MTF2: variants seen among roughly 807,000 people sequenced by gnomAD.
MTF2 encodes metal response element binding transcription factor 2, also known as metal-response element-binding transcription factor 2.
In MTF2, 11 loss-of-function variants were observed where a neutral mutation model predicts 79.5. That is an observed-to-expected ratio of 0.14 (90% CI 0.09 to 0.23). The LOEUF (loss-of-function observed/expected upper bound fraction) is 0.23, where lower values mean the gene tolerates loss of function less well. MTF2 is among the 10% of genes least tolerant of loss of function. MTF2 has a pLI of 1.00. For missense variants in MTF2, 486 were observed against 711.2 expected (o/e 0.68, Z 3.60); for synonymous variants, 208 against 232.8 (o/e 0.89, Z 0.97).
chr1:93,087,112 G>T (rs940677536), intron 1 of MTF2, among the ~76,000 whole-genome samples: 1 of 152,184 alleles, frequency 6.6e-6, no homozygotes, highest in Non-Finnish European at 1.5e-5. Context: ...TTCATGTGTG[G>T]TTGATGCTTA....
At chr1:93,127,860 CCTT>C (rs1289853192) in intron 10 of MTF2, among the ~76,000 whole-genome samples, 2 of 151,740 alleles carry the variant, frequency 1.3e-5, no homozygotes, top group Non-Finnish European at 2.9e-5. Context: ...ACAAGGATTC[CCTT>C]CTTTTTAAAA....
At chr1:93,123,210 CTTTTTTTTTT>C (rs749700655) in intron 9 of MTF2, among the ~76,000 whole-genome samples, 4 of 94,238 alleles carry the variant, frequency 4.2e-5, no homozygotes, top group South Asian at 3.4e-4. Flanking sequence ...TCAGCTCTTT[CTTTTTTTTTT>C]TTTTTTTTTT....
At chr1:93,115,410 A>G (rs1656212008) in intron 5 of MTF2, 60 bp from the exon 6 acceptor site, 2 of 1,263,116 alleles carry the variant, frequency 1.6e-6, no homozygotes, top group East Asian at 2.5e-5. Context: ...TTTTTAAAGT[A>G]TAGAATTGTG....
intron 1 of MTF2, among the ~76,000 whole-genome samples, chr1:93,100,610 T>C (rs552168719): frequency 1.2e-4 from 19 of 152,242 alleles, no homozygotes; most frequent in African/African-American, 4.3e-4. Flanking sequence ...CCCAGCTGTT[T>C]GTATTGTTTC....
At chr1:93,113,940 CAA>C (rs1656144494) in intron 3 of MTF2, among the ~76,000 whole-genome samples, 1 of 150,872 alleles carries the variant, frequency 6.6e-6, no homozygotes, top group Admixed American at 6.6e-5. Context: ...CTGAAACAGA[CAA>C]GATGAGAATA....
chr1:93,130,559 A>G (rs1656877101), intron 11 of MTF2, among the ~76,000 whole-genome samples: 2 of 151,836 alleles, frequency 1.3e-5, no homozygotes, highest in African/African-American at 4.9e-5. Flanking sequence ...CCTGGGCAAC[A>G]GAGCGAGACT....
chr1:93,094,701 T>A (rs1655210349), intron 1 of MTF2, among the ~76,000 whole-genome samples: 1 of 152,162 alleles, frequency 6.6e-6, no homozygotes, highest in African/African-American at 2.4e-5. Flanking sequence ...TGGGCAAGAC[T>A]ATTTCACATG....
At chr1:93,124,110 T>C (rs1474081483) in intron 9 of MTF2, among the ~76,000 whole-genome samples, 3 of 152,092 alleles carry the variant, frequency 2.0e-5, no homozygotes, top group Admixed American at 2.0e-4. Flanking sequence ...GAAGAGAAGA[T>C]AAAACTTTTG....
At chr1:93,103,658 A>T (rs1441818960) in intron 1 of MTF2, among the ~76,000 whole-genome samples, 3 of 150,834 alleles carry the variant, frequency 2.0e-5, no homozygotes, top group South Asian at 4.1e-4. Flanking sequence ...CAGCATGTTT[A>T]CCTTTGTAAT....
At chr1:93,114,055 T>C (rs1203865419) in intron 3 of MTF2, among the ~76,000 whole-genome samples, 5 of 11,508 alleles carry the variant, frequency 4.3e-4, no homozygotes, top group Non-Finnish European at 6.4e-4. Flanking sequence ...CTTCACTTGT[T>C]CTGCTAAAAA....
At chr1:93,120,984 T>G (rs999734058) in intron 9 of MTF2, 2 of 1,057,876 alleles carry the variant, frequency 1.9e-6, no homozygotes, top group African/African-American at 3.4e-5. Flanking sequence ...TTGGGTATCT[T>G]ACTTGTAGTT....
chr1:93,129,798 A>C (rs980903771), intron 11 of MTF2, among the ~76,000 whole-genome samples: 2 of 152,104 alleles, frequency 1.3e-5, no homozygotes, highest in African/African-American at 4.8e-5. Context: ...CTAAGTTTTC[A>C]AGTGCCTTAT....
chr1:93,085,360 G>A (rs564625781), intron 1 of MTF2, among the ~76,000 whole-genome samples: 31 of 151,610 alleles, frequency 2.0e-4, no homozygotes, highest in Middle Eastern at 3.4e-3. Context: ...GTATTTTTTA[G>A]TAGAGACGGG....
intron 1 of MTF2, among the ~76,000 whole-genome samples, chr1:93,102,439 C>T (rs1014966910): frequency 6.6e-6 from 1 of 151,540 alleles, no homozygotes; most frequent in African/African-American, 2.4e-5. Context: ...TTTAAAAAAT[C>T]AGGTGGGCGT....
intron 2 of MTF2, 58 bp downstream of exon 2, chr1:93,110,486 A>G: frequency 1.2e-6 from 2 of 1,604,030 alleles, no homozygotes; most frequent in Non-Finnish European, 1.7e-6. Flanking sequence ...ATAATCTTAA[A>G]TTTAACTTCA....
At chr1:93,089,427 TGA>T (rs1448105587) in intron 1 of MTF2, among the ~76,000 whole-genome samples, 1 of 152,220 alleles carries the variant, frequency 6.6e-6, no homozygotes, top group Admixed American at 6.5e-5. Flanking sequence ...TGCCATACCT[TGA>T]AAAGTTTTAG....
At chr1:93,121,594 G>A (rs1656480414) in intron 9 of MTF2, 2 of 976,934 alleles carry the variant, frequency 2.0e-6, no homozygotes, top group Admixed American at 6.2e-5. Flanking sequence ...TGGGATATCA[G>A]GGAGAACATA....
intron 11 of MTF2, among the ~76,000 whole-genome samples, chr1:93,133,278 C>T (rs1247012752): frequency 6.6e-6 from 1 of 152,118 alleles, no homozygotes; most frequent in Non-Finnish European, 1.5e-5. Flanking sequence ...ATGAAGTTAA[C>T]TGCTAAATTC....
intron 1 of MTF2, among the ~76,000 whole-genome samples, chr1:93,102,325 G>C (rs867634560): frequency 6.6e-6 from 1 of 152,208 alleles, no homozygotes; most frequent in Non-Finnish European, 1.5e-5. Flanking sequence ...TAGGCTGGGC[G>C]TGGTGGCTCA....
Sources: allele counts gnomAD v4.1 joint callset (sites outside exome capture counted in the v4.1 genomes callset), GRCh38; gene constraint gnomAD v4.1.1; transcripts MANE v1.5; gene names NCBI Gene and HGNC (gene_info 2026-07-23, HGNC 2026-07-21).